The following ST6GAL1 variants were observed in gnomAD, a reference collection of about 807,000 sequenced individuals.
The protein encoded by ST6GAL1 is beta-galactoside alpha-2,6-sialyltransferase 1.
Under a neutral mutation model 38.0 loss-of-function variants are expected in ST6GAL1, and 20 were observed. The ratio of observed to expected loss-of-function variants is 0.53; its 90% CI spans 0.37 to 0.77. The LOEUF is 0.77. Among genes scored for constraint, ST6GAL1 ranks in the 30% least tolerant of loss-of-function variants. The probability of loss-of-function intolerance (pLI) is 0.00; values close to 1 mark genes in which losing one functional copy is unlikely to be tolerated. For missense variants in ST6GAL1, 432 were observed against 496.4 expected, an observed-to-expected ratio of 0.87 and a Z score of 1.23; for synonymous variants, 196 against 188.2, an observed-to-expected ratio of 1.04 and a Z score of -0.34.
intron 2 of ST6GAL1, among the ~76,000 whole-genome samples, chr3:187,028,249 A>G (rs1717613167): frequency 1.3e-5 from 2 of 152,222 alleles, no homozygotes; most frequent in South Asian, 2.1e-4. Context: ...AACTCATGCA[A>G]TAAGTGGCTC....
intron 2 of ST6GAL1, among the ~76,000 whole-genome samples, chr3:187,004,701 T>C (rs1716725534): frequency 6.6e-6 from 1 of 152,240 alleles, no homozygotes; most frequent in Admixed American, 6.5e-5. Flanking sequence ...TGTACAGTCA[T>C]ATGTGACATC....
At chr3:187,034,105 A>G (rs1579341940) in intron 2 of ST6GAL1, among the ~76,000 whole-genome samples, 2 of 124,314 alleles carry the variant, frequency 1.6e-5, no homozygotes, top group Middle Eastern at 4.0e-3. Flanking sequence ...AGAAATATGA[A>G]AGATCTTTGG....
intron 2 of ST6GAL1, among the ~76,000 whole-genome samples, chr3:186,980,916 C>T (rs1000195455): frequency 6.6e-6 from 1 of 152,146 alleles, no homozygotes; most frequent in Non-Finnish European, 1.5e-5. Flanking sequence ...TCAGTGCCAT[C>T]ACGTGTTGGG....
intron 2 of ST6GAL1, among the ~76,000 whole-genome samples, chr3:187,035,698 C>T (rs754448704): frequency 4.6e-5 from 7 of 152,132 alleles, no homozygotes; most frequent in Non-Finnish European, 1.0e-4. Flanking sequence ...AACTGGCTAG[C>T]CATATGCAGA....
intron 1 of ST6GAL1, among the ~76,000 whole-genome samples, chr3:186,947,307 G>A (rs567817104): frequency 6.6e-6 from 1 of 152,290 alleles, no homozygotes; most frequent in African/African-American, 2.4e-5. Context: ...CACGAAAAGT[G>A]CAATGGTACA....
chr3:187,051,643 G>A (rs1377483731), intron 5 of ST6GAL1: 7 of 353,266 alleles, frequency 2.0e-5, no homozygotes, highest in Non-Finnish European at 2.7e-5. Flanking sequence ...TTACATGAGG[G>A]ACAGCAGAGC....
At chr3:187,049,120 A>G (rs1334139572) in intron 4 of ST6GAL1, among the ~76,000 whole-genome samples, 1 of 151,926 alleles carries the variant, frequency 6.6e-6, no homozygotes, top group Non-Finnish European at 1.5e-5. Flanking sequence ...CGAACTCCTG[A>G]CTTCAGGTGA....
chr3:187,027,560 G>A (rs1717586524), intron 2 of ST6GAL1, among the ~76,000 whole-genome samples: 1 of 152,130 alleles, frequency 6.6e-6, no homozygotes, highest in South Asian at 2.1e-4. Flanking sequence ...AGATAAGAGG[G>A]TAAATAGTGA....
At chr3:187,051,639 G>A in intron 5 of ST6GAL1, 1 of 361,542 alleles carries the variant, frequency 2.8e-6, no homozygotes, top group Non-Finnish European at 5.3e-6. Context: ...AGGTTTACAT[G>A]AGGGACAGCA....
Position 186,973,486 on chromosome 3 carries a change from C to G in ST6GAL1, c.-183+9560C>G, listed in dbSNP as rs115488703. On this transcript the variant is annotated intron_variant, in intron 2 of 7. Coordinates refer to ENST00000169298, the MANE Select transcript of ST6GAL1 (RefSeq NM_173216.2). ...GATTTTCAACCCCCTGCCTGTGCAGCAGTAACCTTGACTGCATTGTAGAGA... is the reference window on the plus strand; with the variant it reads ...GATTTTCAACCCCCTGCCTGTGCAGGAGTAACCTTGACTGCATTGTAGAGA... Among the ~76,000 whole-genome samples, 1,282 of 152,324 alleles carry G rather than the reference C, an allele frequency of 8.4e-3. 13 individuals are homozygous for G. Among genetic ancestry groups the G allele is most frequent in the African/African-American group, 0.029 (1,215 of 41,560 alleles).
At chr3:186,935,924 A>G (rs1713935871) in intron 1 of ST6GAL1, among the ~76,000 whole-genome samples, 1 of 152,168 alleles carries the variant, frequency 6.6e-6, no homozygotes, top group African/African-American at 2.4e-5. Context: ...ACCTTCACAC[A>G]TAAGTGAGTA....
intron 4 of ST6GAL1, among the ~76,000 whole-genome samples, chr3:187,046,027 A>G (rs1025432102): frequency 6.6e-6 from 1 of 152,204 alleles, no homozygotes; most frequent in South Asian, 2.1e-4. Flanking sequence ...TCTTTAAGCC[A>G]TGGAGAGCCC....
chr3:187,037,661 C>CT lies in ST6GAL1; in HGVS notation c.-182-1080dup, dbSNP rs556676288. Among the ~76,000 whole-genome samples the CT allele has an allele frequency of 9.2e-4, 140 of 152,140 alleles. 4 individuals are homozygous for CT. The highest frequency in any genetic ancestry group is 7.1e-3 in the East Asian group (37 of 5,182). ...AGTGGCGCTCATAGCTCACTGCAGC[C>CT]TCTAACTCCTGGGCTCAAATGATCC... On this transcript the variant is annotated intron_variant, in intron 2 of 7. Transcript: ENST00000169298.
chr3:186,939,789 A>G (rs1714099287), intron 1 of ST6GAL1, among the ~76,000 whole-genome samples: 1 of 152,282 alleles, frequency 6.6e-6, no homozygotes, highest in African/African-American at 2.4e-5. Context: ...CCTGACACAC[A>G]CAACGCCCCA....
intron 2 of ST6GAL1, among the ~76,000 whole-genome samples, chr3:186,972,547 GC>G (rs1394586440): frequency 6.6e-6 from 1 of 152,038 alleles, no homozygotes; most frequent in East Asian, 1.9e-4. Context: ...ACCATGCCCG[GC>G]CACTGCTTGT....
intron 2 of ST6GAL1, among the ~76,000 whole-genome samples, chr3:186,967,825 GCTGA>G (rs1481341428): frequency 7.9e-5 from 12 of 152,358 alleles, no homozygotes; most frequent in African/African-American, 2.4e-4. Context: ...AGTCTGTTCT[GCTGA>G]CTGTCTGGTC....
chr3:186,988,049 T>C (rs1299199432), intron 2 of ST6GAL1, among the ~76,000 whole-genome samples: 2 of 152,238 alleles, frequency 1.3e-5, no homozygotes, highest in Non-Finnish European at 2.9e-5. Context: ...ATATAGCCTA[T>C]ATGTTAAAGA....
chr3:187,042,664 C>T lies in ST6GAL1; in HGVS notation c.-40C>T. On this transcript the variant is annotated 5_prime_UTR_variant, in exon 4 of 8. Coordinates refer to ENST00000169298, the MANE Select transcript of ST6GAL1 (RefSeq NM_173216.2). ...TCTCACTTTTTTTAGGCTTGTTTTC[C>T]TGCTCAGAACAAAGTGACTTCCCTG... 1 of 1,541,794 alleles carries T rather than the reference C, an allele frequency of 6.5e-7. No homozygotes were observed. Among genetic ancestry groups the T allele is most frequent in the Non-Finnish European group, 8.7e-7 (1 of 1,150,118 alleles).
chr3:186,998,784 C>CTT (rs1018684245), intron 2 of ST6GAL1, among the ~76,000 whole-genome samples: 10 of 152,174 alleles, frequency 6.6e-5, no homozygotes, highest in African/African-American at 2.2e-4. Flanking sequence ...TATTTTTACA[C>CTT]TTACAGCACG....
Sources: gnomAD v4.1 joint callset for allele counts (sites outside exome capture counted in the v4.1 genomes callset) on GRCh38, gnomAD v4.1.1 for gene constraint, MANE v1.5 for transcripts, NCBI Gene and HGNC (gene_info 2026-07-23, HGNC 2026-07-21) for gene names.